ME3: variants seen among roughly 807,000 people sequenced by gnomAD.
ME3 encodes NADP-dependent malic enzyme, mitochondrial.
Under a neutral mutation model 68.9 loss-of-function variants are expected in ME3, and 48 were observed. That is an observed-to-expected ratio of 0.70 (90% CI 0.55 to 0.89). The LOEUF is 0.89. Among genes scored for constraint, ME3 ranks in the 40% least tolerant of loss-of-function variants. The pLI is 0.00. For synonymous variants in ME3, 320 were observed against 318.8 expected, an observed-to-expected ratio of 1.00 and a Z score of -0.04; for missense variants, 675 against 797.4, an observed-to-expected ratio of 0.85 and a Z score of 1.85.
chr11:86,597,617 A>G (rs910904543), intron 2 of ME3, among the ~76,000 whole-genome samples: 4 of 152,198 alleles, frequency 2.6e-5, no homozygotes, highest in African/African-American at 9.6e-5. Context: ...GTTAATACCT[A>G]CGTGGGAAAT....
chr11:86,461,182 C>T (rs1294142070), intron 8 of ME3, among the ~76,000 whole-genome samples: 1 of 152,166 alleles, frequency 6.6e-6, no homozygotes, highest in Non-Finnish European at 1.5e-5. Flanking sequence ...GTGGAGAATT[C>T]CAAATCAGAC....
chr11:86,488,671 A>C (rs1951831640), intron 6 of ME3, among the ~76,000 whole-genome samples: 1 of 151,894 alleles, frequency 6.6e-6, no homozygotes, highest in Non-Finnish European at 1.5e-5. Flanking sequence ...CATTCCTGCC[A>C]CCCCTACACA....
In ME3 at chr11:86,536,624, A is replaced by G. The variant is rs1267177662; in HGVS notation, c.467+19929T>C. On this transcript the variant is annotated intron_variant, in intron 4 of 14. Transcript: ENST00000543262. The stretch of plus-strand genomic sequence containing the variant: ...CCAGTTAGAATGGCCATCATTAAAA[A>G]GTCAGGAAACAACAGGTGCTGGAGA... Among the ~76,000 whole-genome samples, 542 of 145,482 alleles carry G rather than the reference A, an allele frequency of 3.7e-3. 2 individuals are homozygous for G. The highest frequency in any genetic ancestry group is 0.013 in the African/African-American group (519 of 38,606).
chr11:86,522,965 G>T (rs140076225), intron 4 of ME3, among the ~76,000 whole-genome samples: 3 of 152,216 alleles, frequency 2.0e-5, no homozygotes, highest in East Asian at 1.9e-4. Flanking sequence ...TATCCGGGGG[G>T]AAGGGGGTCT....
At chr11:86,459,883 G>A (rs1950146378) in intron 8 of ME3, among the ~76,000 whole-genome samples, 1 of 152,202 alleles carries the variant, frequency 6.6e-6, no homozygotes, top group Non-Finnish European at 1.5e-5. Context: ...GGGAAGGCTG[G>A]CCAGGTGGAG....
chr11:86,628,875 A>G (rs1204561106), intron 2 of ME3, among the ~76,000 whole-genome samples: 1 of 152,228 alleles, frequency 6.6e-6, no homozygotes, highest in Non-Finnish European at 1.5e-5. Context: ...GAAACGTTAC[A>G]TGGAGAGAAA....
rs146938407 is a variant in ME3, at chr11:86,553,305, G to A, written c.467+3248C>T. Among the ~76,000 whole-genome samples the A allele has an allele frequency of 3.3e-3, 504 of 152,286 alleles. 2 individuals are homozygous for A. Among genetic ancestry groups the A allele is most frequent in the African/African-American group, 0.012 (491 of 41,562 alleles). On this transcript the variant is annotated intron_variant, in intron 4 of 14. Transcript: ENST00000543262. ...GCTGGATGTAATTAGCTTTGGTGGG[G>A]GGCCAGACACCATTACAGAGGACTT...
At chr11:86,645,618 T>C (rs1046729157) in intron 2 of ME3, among the ~76,000 whole-genome samples, 10 of 152,132 alleles carry the variant, frequency 6.6e-5, no homozygotes, top group African/African-American at 2.4e-4. Flanking sequence ...TGGCTGTGGG[T>C]GCAGCTTCAG....
chr11:86,629,883 C>T (rs563982629), intron 2 of ME3, among the ~76,000 whole-genome samples: 6 of 152,282 alleles, frequency 3.9e-5, no homozygotes, highest in African/African-American at 1.4e-4. Context: ...ATGTAAATAA[C>T]AGTCTAAATG....
intron 6 of ME3, among the ~76,000 whole-genome samples, chr11:86,490,119 T>C (rs555836596): frequency 1.2e-4 from 18 of 152,248 alleles, no homozygotes; most frequent in African/African-American, 3.6e-4. Context: ...CATACTGCTT[T>C]CATATCACTG....
chr11:86,538,526 C>T (rs1446906711), intron 4 of ME3, among the ~76,000 whole-genome samples: 1 of 152,180 alleles, frequency 6.6e-6, no homozygotes, highest in Non-Finnish European at 1.5e-5. Context: ...CACCACAACA[C>T]AGTTCACAAT....
chr11:86,477,893 T>C (rs991801625), intron 7 of ME3, among the ~76,000 whole-genome samples: 30 of 152,282 alleles, frequency 2.0e-4, no homozygotes, highest in African/African-American at 5.5e-4. Flanking sequence ...TTTGTCACCA[T>C]GCAAAATCTG....
intron 2 of ME3, among the ~76,000 whole-genome samples, chr11:86,617,823 A>C (rs1285864439): frequency 2.0e-5 from 3 of 152,204 alleles, no homozygotes; most frequent in African/African-American, 7.2e-5. Flanking sequence ...TGGGTGCTAA[A>C]CTGCAGCACA....
In ME3 at chr11:86,488,729, A is replaced by G. The variant is rs1017656471; in HGVS notation, c.706-1289T>C. ...ATGACACATTTATTTCTCATGTACT[A>G]TTGCTGACACTGGGCCCAGTGGGGG... On this transcript the variant is annotated intron_variant, in intron 6 of 14. Coordinates refer to ENST00000543262, the Ensembl canonical transcript of ME3. Among the ~76,000 whole-genome samples the G allele has an allele frequency of 7.9e-5, 12 of 152,120 alleles. 1 individual carries two copies. The highest frequency in any genetic ancestry group is 5.9e-4 in the Admixed American group (9 of 15,268).
chr11:86,522,257 C>T (rs1228317468), intron 4 of ME3, among the ~76,000 whole-genome samples: 7 of 103,634 alleles, frequency 6.8e-5, no homozygotes, highest in African/African-American at 3.0e-4. Context: ...CTCAAACAAA[C>T]AAACAAACAA....
intron 4 of ME3, among the ~76,000 whole-genome samples, chr11:86,551,003 G>T (rs982689662): frequency 6.6e-6 from 1 of 151,890 alleles, no homozygotes; most frequent in African/African-American, 2.4e-5. Context: ...GGGGTTGCCG[G>T]TGGGCTGGTG....
In ME3 at chr11:86,477,203, A is replaced by G. The variant is rs535278522; in HGVS notation, c.809+10134T>C. 2.6e-5 allele frequency among the ~76,000 whole-genome samples: 4 copies of G among 152,342 alleles called. No individual in the cohort carries two copies. The East Asian group carries it at 7.7e-4, about 29-fold the overall frequency. ...CACTCGTTGATAAGTGTTAATAAGT[A>G]GCTTGTTAATAAGAGATTGGAACTC... On this transcript the variant is annotated intron_variant, in intron 7 of 14. Transcript: ENST00000543262.
intron 4 of ME3, among the ~76,000 whole-genome samples, chr11:86,520,297 C>T (rs7926965): frequency 0.088 from 13,320 of 152,220 alleles, 819 homozygotes; most frequent in African/African-American, 0.18. Context: ...CTCAATTTCC[C>T]ACACTTGAGA....
Position 86,510,361 on chromosome 11 carries a change from A to G in ME3, c.468-1494T>C, listed in dbSNP as rs559050404. Among the ~76,000 whole-genome samples the G allele has an allele frequency of 3.6e-3, 540 of 152,022 alleles. 5 individuals carry two copies. Among genetic ancestry groups the G allele is most frequent in the African/African-American group, 0.013 (526 of 41,474 alleles). On this transcript the variant is annotated intron_variant, in intron 4 of 14. Transcript: ENST00000543262. ...GGCTTTTGTGACTCCATTTTCTTTG[A>G]GTTTTCCTCCTACTTCTCTGTGGCT...
Sources: allele counts gnomAD v4.1 joint callset (sites outside exome capture counted in the v4.1 genomes callset), GRCh38; gene constraint gnomAD v4.1.1; transcripts MANE v1.5; gene names NCBI Gene and HGNC (gene_info 2026-07-23, HGNC 2026-07-21).